Variants in ZFAND6 observed in about 807,000 individuals in gnomAD.
ZFAND6 encodes AN1-type zinc finger protein 6.
In ZFAND6, 12 loss-of-function variants were observed where a neutral mutation model predicts 24.5. That is an observed-to-expected ratio of 0.49 (90% CI 0.31 to 0.79). The LOEUF (loss-of-function observed/expected upper bound fraction) is 0.79, where lower values mean the gene tolerates loss of function less well. ZFAND6 is among the 30% of genes least tolerant of loss of function. The pLI is 0.04. For synonymous variants in ZFAND6, 92 were observed against 81.5 expected (o/e 1.13, Z -0.69); for missense variants, 207 against 245.9 (o/e 0.84, Z 1.06).
chr15:80,092,361 G>T (rs937248434), intron 1 of ZFAND6, among the ~76,000 whole-genome samples: 1 of 151,292 alleles, frequency 6.6e-6, no homozygotes, highest in East Asian at 1.9e-4. Context: ...GCTTGAGGAC[G>T]GGAGGCGGAG....
At chr15:80,079,985 CTGTT>C (rs2037554840) in intron 1 of ZFAND6, among the ~76,000 whole-genome samples, 3 of 150,932 alleles carry the variant, frequency 2.0e-5, no homozygotes, top group African/African-American at 7.3e-5. Flanking sequence ...AACCGTTTTT[CTGTT>C]TTTTTTCCCT....
upstream of ZFAND6, chr15:80,059,664 A>G (rs1293144166): frequency 1.3e-5 from 2 of 152,064 alleles, no homozygotes; most frequent in African/African-American, 4.8e-5. Context: ...GAACAACCAA[A>G]CAGAAAAGTT....
intron 2 of ZFAND6, among the ~76,000 whole-genome samples, chr15:80,115,602 T>C (rs897612176): frequency 6.6e-6 from 1 of 152,206 alleles, no homozygotes; most frequent in Non-Finnish European, 1.5e-5. Context: ...ACTAAATTAC[T>C]CTTTATGGTT....
At chr15:80,060,319 C>T (rs892518098) in intron 1 of ZFAND6, 7 of 152,208 alleles carry the variant, frequency 4.6e-5, no homozygotes, top group African/African-American at 7.2e-5. Flanking sequence ...GTGTCTCCAA[C>T]TCCTGACTGG....
In ZFAND6 at chr15:80,089,900, T is replaced by A. The variant is rs2038248090; in HGVS notation, c.-180-8516T>A. 2.6e-5 allele frequency among the ~76,000 whole-genome samples: 4 copies of A among 152,342 alleles called. No individual in the cohort carries two copies. The South Asian group carries it at 8.3e-4, about 32-fold the overall frequency. On this transcript the variant is annotated intron_variant, in intron 1 of 6. Coordinates refer to ENST00000261749, the MANE Select transcript of ZFAND6 (RefSeq NM_019006.4). The stretch of plus-strand genomic sequence containing the variant: ...CTACTTGTGACTCTTGAGTGCACTA[T>A]GTAGAATCATGGTATCATGTTTTAT...
At chr15:80,111,319 G>T in intron 2 of ZFAND6, 2 of 340,120 alleles carry the variant, frequency 5.9e-6, no homozygotes, top group South Asian at 4.6e-5. Flanking sequence ...TTGGTTCCAG[G>T]ACCCCCCTCA....
intron 1 of ZFAND6, among the ~76,000 whole-genome samples, chr15:80,086,963 G>C (rs1469637569): frequency 1.3e-5 from 2 of 152,034 alleles, no homozygotes; most frequent in African/African-American, 4.8e-5. Context: ...ATGTCTTCAG[G>C]GTTCATCCAG....
intron 5 of ZFAND6, among the ~76,000 whole-genome samples, chr15:80,127,604 A>C (rs12440624): frequency 0.52 from 75,771 of 145,298 alleles, 22,034 homozygotes; most frequent in Non-Finnish European, 0.65. Flanking sequence ...AAAAAAAAAA[A>C]AAAAAAAAAA....
intron 5 of ZFAND6, chr15:80,129,940 GC>G (rs2040522955): frequency 6.6e-6 from 1 of 152,356 alleles, no homozygotes; most frequent in South Asian, 2.1e-4. Context: ...CAGGGAAACT[GC>G]AAGTCCTTCA....
At chr15:80,093,276 T>C (rs2038502226) in intron 1 of ZFAND6, among the ~76,000 whole-genome samples, 1 of 152,046 alleles carries the variant, frequency 6.6e-6, no homozygotes, top group Non-Finnish European at 1.5e-5. Context: ...GGACTTTCTT[T>C]TTTTTAAATA....
chr15:80,083,300 G>A (rs115918944), intron 1 of ZFAND6, among the ~76,000 whole-genome samples: 127 of 152,150 alleles, frequency 8.3e-4, no homozygotes, highest in African/African-American at 2.9e-3. Flanking sequence ...CTATACATAC[G>A]TTATTTTAAA....
At chr15:80,072,355 A>G (rs369113489) in intron 1 of ZFAND6, among the ~76,000 whole-genome samples, 7 of 152,146 alleles carry the variant, frequency 4.6e-5, no homozygotes, top group South Asian at 2.1e-4. Context: ...AGCAAACAGT[A>G]TATGATGGGA....
At chr15:80,116,828 C>T (rs946751313) in intron 2 of ZFAND6, among the ~76,000 whole-genome samples, 7 of 152,002 alleles carry the variant, frequency 4.6e-5, no homozygotes, top group African/African-American at 1.7e-4. Flanking sequence ...TTATATGTGG[C>T]CTAAGACAAT....
chr15:80,111,504 C>T (rs761818552), intron 2 of ZFAND6: 2 of 455,794 alleles, frequency 4.4e-6, no homozygotes, highest in Non-Finnish European at 8.8e-6. Context: ...ATAGGAATGT[C>T]AATCAGAAGT....
intron 2 of ZFAND6, among the ~76,000 whole-genome samples, chr15:80,102,523 T>G (rs1216833698): frequency 1.3e-5 from 2 of 152,238 alleles, no homozygotes; most frequent in Non-Finnish European, 2.9e-5. Flanking sequence ...TCTGTTTATA[T>G]GTGATATGGA....
At chr15:80,064,894 A>T (rs751307375) in intron 1 of ZFAND6, among the ~76,000 whole-genome samples, 2 of 151,800 alleles carry the variant, frequency 1.3e-5, no homozygotes, top group Admixed American at 6.6e-5. Flanking sequence ...GGCCTCCCTA[A>T]GTGCTGGGAT....
Position 80,063,597 on chromosome 15 carries a change from A to T in ZFAND6, c.-181+3788A>T, listed in dbSNP as rs2036452704. Among the ~76,000 whole-genome samples, 3 of 144,666 alleles carry T rather than the reference A, an allele frequency of 2.1e-5. No homozygotes were observed. In the South Asian group the frequency reaches 6.6e-4, roughly 32 times the overall value. The allele number at this position is 144,666 out of a possible 152,430, so 94.9% of individuals were successfully genotyped here. A position where few individuals can be genotyped will look rare whatever the true frequency, so the allele number is the denominator to read the frequency against. ...TTTTGAGACGGAATCTTACTCTGTT[A>T]TACAGGCTAGAGTGCAGTGGCACAA... On this transcript the variant is annotated intron_variant, in intron 1 of 6. Coordinates refer to ENST00000261749, the MANE Select transcript of ZFAND6 (RefSeq NM_019006.4).
intron 2 of ZFAND6, among the ~76,000 whole-genome samples, chr15:80,119,890 A>C (rs2040071057): frequency 6.6e-6 from 1 of 152,234 alleles, no homozygotes; most frequent in East Asian, 1.9e-4. Flanking sequence ...TTTGAAACAG[A>C]ATAAATAACA....
At chr15:80,102,946 GA>G (rs1337366279) in intron 2 of ZFAND6, among the ~76,000 whole-genome samples, 1 of 152,198 alleles carries the variant, frequency 6.6e-6, no homozygotes, top group African/African-American at 2.4e-5. Flanking sequence ...ATATGTAATT[GA>G]ATTGCAAGTA....
Sources: allele counts gnomAD v4.1 joint callset (sites outside exome capture counted in the v4.1 genomes callset), GRCh38; gene constraint gnomAD v4.1.1; transcripts MANE v1.5; gene names NCBI Gene and HGNC (gene_info 2026-07-23, HGNC 2026-07-21).